FBXL7: variants seen among roughly 807,000 people sequenced by gnomAD.
The protein encoded by FBXL7 is F-box/LRR-repeat protein 7.
Under a neutral mutation model 38.3 loss-of-function variants are expected in FBXL7, and 12 were observed. That is an observed-to-expected ratio of 0.31 (90% confidence interval 0.20 to 0.51). FBXL7 has a LOEUF of 0.51. Ranked by LOEUF, FBXL7 falls within the 20% of genes least tolerant of loss-of-function variation. The pLI is 0.98. For synonymous variants in FBXL7, 297 were observed against 300.9 expected, an observed-to-expected ratio of 0.99 and a Z score of 0.13; for missense variants, 567 against 676.4, an observed-to-expected ratio of 0.84 and a Z score of 1.79.
intron 2 of FBXL7, among the ~76,000 whole-genome samples, chr5:15,652,179 C>T (rs1741731392): frequency 6.6e-6 from 1 of 152,180 alleles, no homozygotes; most frequent in Non-Finnish European, 1.5e-5. Flanking sequence ...CTTAAGACCA[C>T]TAAAACTTCT....
chr5:15,615,971 T>C lies in FBXL7; in HGVS notation c.38-12T>C, dbSNP rs1379846216. ...ACAAATCTCAAAAGCTGCTCATTCC[T>C]GTTTCTTCCAGGCAAAGGCAGCTCG... On this transcript the variant is annotated splice_polypyrimidine_tract_variant and intron_variant, in intron 1 of 3. Transcript: ENST00000504595. The C allele has an allele frequency of 1.9e-6, 3 of 1,604,898 alleles. No homozygotes were observed. Among genetic ancestry groups the C allele is most frequent in the East Asian group, 2.2e-5 (1 of 44,630 alleles).
intron 2 of FBXL7, among the ~76,000 whole-genome samples, chr5:15,728,371 A>C (rs1189036924): frequency 2.0e-5 from 3 of 152,140 alleles, no homozygotes; most frequent in Non-Finnish European, 4.4e-5. Flanking sequence ...GACTTGGATA[A>C]ATTGAGAGGC....
At chr5:15,530,812 C>T (rs1472826031) in intron 1 of FBXL7, among the ~76,000 whole-genome samples, 1 of 152,172 alleles carries the variant, frequency 6.6e-6, no homozygotes, top group Non-Finnish European at 1.5e-5. Flanking sequence ...GAAAACAACC[C>T]ATGCTTTGGG....
intron 2 of FBXL7, among the ~76,000 whole-genome samples, chr5:15,622,248 CTTTTT>C (rs1740674834): frequency 6.6e-6 from 1 of 150,984 alleles, no homozygotes; most frequent in Non-Finnish European, 1.5e-5. Flanking sequence ...CAGGACTTTT[CTTTTT>C]TATTTTATTT....
At chr5:15,881,447 T>A (rs918276037) in intron 2 of FBXL7, among the ~76,000 whole-genome samples, 5 of 152,258 alleles carry the variant, frequency 3.3e-5, no homozygotes, top group Non-Finnish European at 7.3e-5. Context: ...TTGGGCTGGT[T>A]CCATATTTTT....
chr5:15,859,532 G>A (rs781216508), intron 2 of FBXL7, among the ~76,000 whole-genome samples: 33 of 152,108 alleles, frequency 2.2e-4, no homozygotes, highest in Admixed American at 3.3e-4. Context: ...CACGTGGCTC[G>A]GGAAGTCTCA....
chr5:15,673,643 T>C (rs559638329), intron 2 of FBXL7, among the ~76,000 whole-genome samples: 2 of 152,340 alleles, frequency 1.3e-5, no homozygotes, highest in African/African-American at 4.8e-5. Context: ...TCCTTGGGAT[T>C]GTCTTCAGAG....
chr5:15,694,250 A>G (rs1743266491), intron 2 of FBXL7, among the ~76,000 whole-genome samples: 1 of 152,206 alleles, frequency 6.6e-6, no homozygotes, highest in Non-Finnish European at 1.5e-5. Flanking sequence ...AACTCCTCCC[A>G]TTTCACCTGT....
chr5:15,637,854 T>C (rs902636166), intron 2 of FBXL7, among the ~76,000 whole-genome samples: 3 of 152,224 alleles, frequency 2.0e-5, no homozygotes, highest in Non-Finnish European at 2.9e-5. Flanking sequence ...ATGTCATATT[T>C]TTAAAAGAAT....
intron 1 of FBXL7, among the ~76,000 whole-genome samples, chr5:15,553,513 A>G (rs1182847586): frequency 6.6e-6 from 1 of 152,228 alleles, no homozygotes; most frequent in African/African-American, 2.4e-5. Context: ...CCATGAAGGT[A>G]GGGATACTAT....
chr5:15,719,857 G>A (rs771324363), intron 2 of FBXL7, among the ~76,000 whole-genome samples: 1 of 148,820 alleles, frequency 6.7e-6, no homozygotes, highest in Non-Finnish European at 1.5e-5. Flanking sequence ...CTCAAAGAGC[G>A]ACCTTGGAAA....
chr5:15,737,641 G>T (rs1342980613), intron 2 of FBXL7, among the ~76,000 whole-genome samples: 2 of 152,152 alleles, frequency 1.3e-5, no homozygotes, highest in African/African-American at 4.8e-5. Flanking sequence ...CAGGATGCTT[G>T]AGAAATACCC....
At chr5:15,790,601 G>T (rs1737248422) in intron 2 of FBXL7, among the ~76,000 whole-genome samples, 1 of 152,166 alleles carries the variant, frequency 6.6e-6, no homozygotes, top group Non-Finnish European at 1.5e-5. Context: ...AGGTGCTAAA[G>T]AAAACTTCCT....
intron 2 of FBXL7, among the ~76,000 whole-genome samples, chr5:15,699,349 C>T (rs144398653): frequency 2.1e-3 from 327 of 152,302 alleles, no homozygotes; most frequent in African/African-American, 7.4e-3. Flanking sequence ...CCTTCCCTGC[C>T]TCTTCCTAGC....
intron 2 of FBXL7, among the ~76,000 whole-genome samples, chr5:15,916,745 G>GT (rs1741594930): frequency 6.6e-6 from 1 of 152,174 alleles, no homozygotes; most frequent in South Asian, 2.1e-4. Flanking sequence ...TTAACAAAGA[G>GT]TAAGTACATT....
chr5:15,647,734 G>A (rs1276356071), intron 2 of FBXL7, among the ~76,000 whole-genome samples: 1 of 152,152 alleles, frequency 6.6e-6, no homozygotes, highest in African/African-American at 2.4e-5. Flanking sequence ...ACATTTATTG[G>A]AGTATTTTTG....
intron 2 of FBXL7, among the ~76,000 whole-genome samples, chr5:15,697,738 C>T (rs1416934350): frequency 6.6e-6 from 1 of 152,112 alleles, no homozygotes; most frequent in African/African-American, 2.4e-5. Flanking sequence ...AAAAATTTGT[C>T]TGAAAAGCAA....
intron 2 of FBXL7, among the ~76,000 whole-genome samples, chr5:15,722,808 A>G (rs1028420051): frequency 3.8e-4 from 58 of 152,058 alleles, no homozygotes; most frequent in Non-Finnish European, 5.7e-4. Context: ...CTGTAGTCCC[A>G]GCTACTCGGA....
At chr5:15,679,563 T>G (rs530633711) in intron 2 of FBXL7, among the ~76,000 whole-genome samples, 17 of 147,426 alleles carry the variant, frequency 1.2e-4, no homozygotes, top group Admixed American at 1.1e-3. Context: ...TCATTGTTTT[T>G]TTTTTTTTTT....
Sources: allele counts gnomAD v4.1 joint callset (sites outside exome capture counted in the v4.1 genomes callset), GRCh38; gene constraint gnomAD v4.1.1; transcripts MANE v1.5; gene names NCBI Gene and HGNC (gene_info 2026-07-23, HGNC 2026-07-21).